The following KIAA0319 variants were observed in gnomAD, a reference collection of about 807,000 sequenced individuals.
KIAA0319 encodes the protein dyslexia-associated protein KIAA0319.
Under a neutral mutation model 108.4 loss-of-function variants are expected in KIAA0319, and 83 were observed. The observed-to-expected ratio is 0.77, with a 90% confidence interval of 0.64 to 0.92. The LOEUF (loss-of-function observed/expected upper bound fraction) is 0.92, where lower values mean the gene tolerates loss of function less well. Ranked by LOEUF, KIAA0319 falls within the 40% of genes least tolerant of loss-of-function variation. KIAA0319 has a pLI of 0.00. For synonymous variants in KIAA0319, 484 were observed against 510.4 expected, an observed-to-expected ratio of 0.95 and a Z score of 0.70; for missense variants, 1,195 against 1,322.4, an observed-to-expected ratio of 0.90 and a Z score of 1.49.
At position 24,580,914 on chromosome 6, in the gene KIAA0319, AC is replaced by A. The variant is rs1182896078; in HGVS notation, c.1279+11del. 1 of 1,583,030 alleles carries A rather than the reference AC, an allele frequency of 6.3e-7. No individual in the cohort carries two copies. Among genetic ancestry groups the A allele is most frequent in the Non-Finnish European group, 8.7e-7 (1 of 1,152,404 alleles). ...ATGTACAACAGGAGGTCATTCTCTT[AC>A]ACCGGCTTACCAGGCTTAACAGTGA... On this transcript the variant is annotated intron_variant, in intron 7 of 20. Coordinates refer to ENST00000378214, the MANE Select transcript of KIAA0319 (RefSeq NM_014809.4).
chr6:24,595,562 A>AAC (rs1319060485), intron 3 of KIAA0319, among the ~76,000 whole-genome samples: 3 of 149,948 alleles, frequency 2.0e-5, no homozygotes, highest in South Asian at 2.1e-4. Flanking sequence ...AAAAAAAAAA[A>AAC]AAAAAAAACG....
chr6:24,595,714 A>C (rs1258708175), intron 3 of KIAA0319, among the ~76,000 whole-genome samples, 159 bp downstream of exon 3: 1 of 152,134 alleles, frequency 6.6e-6, no homozygotes, highest in East Asian at 1.9e-4. Context: ...TCTGAGAGAC[A>C]GTCATCTTTC....
chr6:24,586,245 A>G (rs1305056272), intron 4 of KIAA0319, among the ~76,000 whole-genome samples: 1 of 152,232 alleles, frequency 6.6e-6, no homozygotes, highest in African/African-American at 2.4e-5. Context: ...CACAGACTGT[A>G]GGAAACTAGA....
chr6:24,569,821 G>A, intron 12 of KIAA0319, 82 bp downstream of exon 12: 2 of 1,514,254 alleles, frequency 1.3e-6, no homozygotes, highest in Non-Finnish European at 1.8e-6. Flanking sequence ...CAAGCTGATT[G>A]TTTACTACAG....
chr6:24,598,482 G>T, intron 2 of KIAA0319: 1 of 491,796 alleles, frequency 2.0e-6, no homozygotes, highest in South Asian at 1.7e-5. Context: ...GGCAGCAGCT[G>T]GACATGCTGG....
chr6:24,563,291 G>A (rs2127443175), intron 16 of KIAA0319, 68 bp downstream of exon 16: 1 of 1,508,766 alleles, frequency 6.6e-7, no homozygotes, highest in African/African-American at 1.4e-5. Context: ...GTTTTCTACT[G>A]GACTGGGATG....
At chr6:24,644,667 T>G (rs1381159163) in intron 1 of KIAA0319, among the ~76,000 whole-genome samples, 1 of 152,212 alleles carries the variant, frequency 6.6e-6, no homozygotes, top group East Asian at 1.9e-4. Flanking sequence ...ATTCATACAT[T>G]ACCAAAGCTC....
chr6:24,583,783 G>A, intron 4 of KIAA0319, 81 bp from the exon 5 acceptor site: 1 of 879,624 alleles, frequency 1.1e-6, no homozygotes, highest in South Asian at 1.5e-5. Context: ...TCTGTTTTTG[G>A]TATCCATAAA....
chr6:24,557,218 C>T (rs1339042427), intron 17 of KIAA0319, among the ~76,000 whole-genome samples: 1 of 150,462 alleles, frequency 6.6e-6, no homozygotes, highest in Non-Finnish European at 1.5e-5. Context: ...AAAAAGTTTA[C>T]TGGCTGGGTG....
At chr6:24,566,487 T>C in intron 14 of KIAA0319, 110 bp downstream of exon 14, 2 of 968,138 alleles carry the variant, frequency 2.1e-6, no homozygotes, top group South Asian at 2.9e-5. Flanking sequence ...AGCCTCCTTA[T>C]ACTTATATCC....
rs768334155 is a variant in KIAA0319, at chr6:24,596,382, A to T, written c.292T>A (p.Ser98Thr). 9.3e-6 allele frequency: 15 copies of T among 1,614,008 alleles called. No homozygotes were observed. Among genetic ancestry groups the T allele is most frequent in the South Asian group, 6.6e-5 (6 of 91,082 alleles). ...CEPKKMGPIR[S>T]YLTFVLRPVQ... ...GGCCGGAGCACAAAAGTGAGATAAGACCTGATGGGGCCCATCTTCTTGGGC... is the reference window on the plus strand; with the variant it reads ...GGCCGGAGCACAAAAGTGAGATAAGTCCTGATGGGGCCCATCTTCTTGGGC... Residue 98 changes from serine (S) to threonine (T), a missense_variant, in exon 3 of 21, where the codon TCT becomes ACT. Physicochemically the swap from Ser to Thr is moderately conservative, Grantham distance 58. Coordinates refer to ENST00000378214, the MANE Select transcript of KIAA0319 (RefSeq NM_014809.4).
downstream of KIAA0319, chr6:24,544,064 C>T (rs1760327534): frequency 6.6e-6 from 1 of 152,222 alleles, no homozygotes; most frequent in African/African-American, 2.4e-5. Flanking sequence ...TTTGTTGTAA[C>T]ATAAGAACAG....
At chr6:24,554,030 C>T (rs1050867979) in intron 19 of KIAA0319, among the ~76,000 whole-genome samples, 1 of 152,178 alleles carries the variant, frequency 6.6e-6, no homozygotes, top group Non-Finnish European at 1.5e-5. Flanking sequence ...GTCAGAAGCC[C>T]AGGTAAAACG....
At chr6:24,585,168 T>G (rs1767273872) in intron 4 of KIAA0319, among the ~76,000 whole-genome samples, 1 of 152,166 alleles carries the variant, frequency 6.6e-6, no homozygotes. Context: ...ACGTCTTCCC[T>G]TTTGGAACTA....
At chr6:24,569,650 C>T (rs1293440422) in intron 12 of KIAA0319, among the ~76,000 whole-genome samples, 1 of 152,192 alleles carries the variant, frequency 6.6e-6, no homozygotes, top group Non-Finnish European at 1.5e-5. Context: ...TGAACCTCTT[C>T]TGTCATGAGC....
chr6:24,582,356 A>G lies in KIAA0319; in HGVS notation c.1094-10T>C. 2 of 1,497,944 alleles carry G rather than the reference A, an allele frequency of 1.3e-6. No homozygotes were observed. Among genetic ancestry groups the G allele is most frequent in the Non-Finnish European group, 1.9e-6 (2 of 1,074,648 alleles). The allele number at this position is 1,497,944 out of a possible 1,614,324, so 92.8% of individuals were successfully genotyped here. A position where few individuals can be genotyped will look rare whatever the true frequency, so the allele number is the denominator to read the frequency against. ...TAGTTGTAGGTTGTTTCTGAGAGCA[A>G]AAAATAAATATGAGTAGTTATAAAT... On this transcript the variant is annotated splice_polypyrimidine_tract_variant and intron_variant, in intron 5 of 20. Coordinates refer to ENST00000378214, the MANE Select transcript of KIAA0319 (RefSeq NM_014809.4).
intron 9 of KIAA0319, 48 bp from the exon 10 acceptor site, chr6:24,576,644 G>T: frequency 1.4e-6 from 2 of 1,458,968 alleles, no homozygotes; most frequent in Non-Finnish European, 1.9e-6. Context: ...GCCAGGCTGG[G>T]TGCAGTGACT....
chr6:24,562,366 A>G (rs1256978502), intron 16 of KIAA0319, among the ~76,000 whole-genome samples: 1 of 152,240 alleles, frequency 6.6e-6, no homozygotes, highest in Non-Finnish European at 1.5e-5. Context: ...TCCTTAGAAA[A>G]TAATTAGAAC....
chr6:24,617,248 A>G (rs1404999336), intron 1 of KIAA0319, among the ~76,000 whole-genome samples: 2 of 152,156 alleles, frequency 1.3e-5, no homozygotes, highest in Non-Finnish European at 2.9e-5. Flanking sequence ...TTGAATTACA[A>G]TGAAGGCATT....
Sources: allele counts gnomAD v4.1 joint callset (sites outside exome capture counted in the v4.1 genomes callset), GRCh38; gene constraint gnomAD v4.1.1; transcripts MANE v1.5; gene names NCBI Gene and HGNC (gene_info 2026-07-23, HGNC 2026-07-21).